SLC4A3: variants seen among roughly 807,000 people sequenced by gnomAD.
The protein encoded by SLC4A3 is anion exchange protein 3.
Under a neutral mutation model 114.2 loss-of-function variants are expected in SLC4A3, and 47 were observed. The ratio of observed to expected loss-of-function variants is 0.41; its 90% CI spans 0.33 to 0.52. The LOEUF is 0.52. Ranked by LOEUF, SLC4A3 falls within the 20% of genes least tolerant of loss-of-function variation. SLC4A3 has a pLI of 0.21. For synonymous variants in SLC4A3, 693 were observed against 710.3 expected (o/e 0.98, Z 0.39); for missense variants, 1,312 against 1,668.3 (o/e 0.79, Z 3.72).
In SLC4A3 at chr2:219,639,432, C is replaced by T. The variant is rs1206135368; in HGVS notation, c.3024-50C>T. 7 of 1,591,024 alleles carry T rather than the reference C, an allele frequency of 4.4e-6. No homozygotes were observed. In the East Asian group the frequency reaches 1.3e-4, roughly 31 times the overall value. On this transcript the variant is annotated intron_variant, in intron 19 of 22. Transcript: ENST00000358055. This position sits in a 1 kb window ranked among gnomAD's most constrained non-coding sequence, Gnocchi z 5.9. ...TCTGTGTGCGTGCCTGTCTTTGTCCCCTGCCCCTGCCAGGCCAGCCACACC... is the reference window on the plus strand; with the variant it reads ...TCTGTGTGCGTGCCTGTCTTTGTCCTCTGCCCCTGCCAGGCCAGCCACACC...
Position 219,628,385 on chromosome 2 carries a change from G to C in SLC4A3, c.52-20G>C. ...CTTCATGGGTCAGGGGTCCTTAGCA[G>C]AGGCCGTCTGGGCCTGCAGGTCCGG... On this transcript the variant is annotated intron_variant, in intron 2 of 22. Transcript: ENST00000358055. The surrounding 1 kb of genome is among the most constrained non-coding windows in gnomAD (Gnocchi z 4.8). The C allele has an allele frequency of 1.3e-6, 2 of 1,598,036 alleles. No homozygotes were observed. The highest frequency in any genetic ancestry group is 1.7e-6 in the Non-Finnish European group (2 of 1,173,608).
chr2:219,641,597 G>T lies in SLC4A3; in HGVS notation c.3622-54G>T. The T allele has an allele frequency of 7.1e-7, 1 of 1,405,842 alleles. No individual in the cohort carries two copies. The highest frequency in any genetic ancestry group is 1.0e-6 in the Non-Finnish European group (1 of 991,632). 87.1% of individuals were successfully genotyped at this position (1,405,842 alleles called of 1,614,324 possible). ...CAGGTTGGAGGAGGAGCTGGAGAATGGGAGGGGACGAGCATGCTTCCCTGC... is the reference window on the plus strand; with the variant it reads ...CAGGTTGGAGGAGGAGCTGGAGAATTGGAGGGGACGAGCATGCTTCCCTGC... On this transcript the variant is annotated intron_variant, in intron 22 of 22. Coordinates refer to ENST00000358055, the MANE Select transcript of SLC4A3 (RefSeq NM_005070.4). This position sits in a 1 kb window ranked among gnomAD's most constrained non-coding sequence, Gnocchi z 4.0.
Position 219,639,831 on chromosome 2 carries a change from C to A in SLC4A3, c.3277+96C>A. The A allele has an allele frequency of 6.8e-7, 1 of 1,479,890 alleles. No homozygotes were observed. Among genetic ancestry groups the A allele is most frequent in the Non-Finnish European group, 9.1e-7 (1 of 1,097,690 alleles). 91.7% of individuals were successfully genotyped at this position (1,479,890 alleles called of 1,614,324 possible). A position where few individuals can be genotyped will look rare whatever the true frequency, so the allele number is the denominator to read the frequency against. On this transcript the variant is annotated intron_variant, in intron 20 of 22. Coordinates refer to ENST00000358055, the MANE Select transcript of SLC4A3 (RefSeq NM_005070.4). The surrounding 1 kb of genome is among the most constrained non-coding windows in gnomAD (Gnocchi z 5.9). ...GCTTGACCCTGAATCTCCCAATGTG[C>A]TGTGTGTTGCCCTCAATCTGACCCC... is the stretch of plus-strand genomic sequence containing the variant.
chr2:219,632,217 C>T, intron 7 of SLC4A3, 45 bp from the exon 8 acceptor site: 2 of 1,612,586 alleles, frequency 1.2e-6, no homozygotes, highest in Non-Finnish European at 1.7e-6. Context: ...CGGTGTTCCC[C>T]ACACCTGTTG....
intron 13 of SLC4A3, 85 bp from the exon 14 acceptor site, chr2:219,635,588 G>C (rs1009570755): frequency 6.8e-7 from 1 of 1,478,684 alleles, no homozygotes; most frequent in African/African-American, 1.4e-5. Context: ...GACTCCTGGA[G>C]TCCTTTGCAT....
Position 219,629,041 on chromosome 2 carries a change from G to A in SLC4A3, c.218-103G>A, listed in dbSNP as rs923389854. 6 of 1,366,976 alleles carry A rather than the reference G, an allele frequency of 4.4e-6. No individual in the cohort carries two copies. In the African/African-American group the frequency reaches 7.3e-5, roughly 17 times the overall value. The allele number at this position is 1,366,976 out of a possible 1,614,324, so 84.7% of individuals were successfully genotyped here. ...GTCATGGCCCTGGAGGAAGGACTAG[G>A]GTGCCCTTGTTTGCGGCCTTGAGCT... On this transcript the variant is annotated intron_variant, in intron 3 of 22. Coordinates refer to ENST00000358055, the MANE Select transcript of SLC4A3 (RefSeq NM_005070.4).
In SLC4A3 at chr2:219,631,997, C is replaced by A; in HGVS notation, c.841C>A (p.Arg281=). 6.2e-7 allele frequency: 1 copy of A among 1,611,774 alleles called. No individual in the cohort carries two copies. The highest frequency in any genetic ancestry group is 8.5e-7 in the Non-Finnish European group (1 of 1,179,030). ...CCGACTGGAGGACAACCCTGGTGTGCGGCGACACTTAGTGAAAAAGCCCTC... is the reference window on the plus strand; with the variant it reads ...CCGACTGGAGGACAACCCTGGTGTGAGGCGACACTTAGTGAAAAAGCCCTC... The part of the protein sequence containing the change: ...SHRLEDNPGV[R]RHLVKKPSRT... The change falls in exon 7 of 23, where the codon CGG becomes AGG. Residue 281 remains arginine, a synonymous_variant. Coordinates refer to ENST00000358055, the MANE Select transcript of SLC4A3 (RefSeq NM_005070.4). The surrounding 1 kb of genome is among the most constrained non-coding windows in gnomAD (Gnocchi z 6.3).
rs1698934865 is a variant in SLC4A3 at position 219,631,906 on chromosome 2, G to A, written c.812-62G>A. On this transcript the variant is annotated intron_variant, in intron 6 of 22. Transcript: ENST00000358055. This position sits in a 1 kb window ranked among gnomAD's most constrained non-coding sequence, Gnocchi z 6.3. ...GTAGATGGGTTGGGCAGAAGGAGCT[G>A]GGCCGTGACCCCGAGGGCCCCAGCT... The A allele has an allele frequency of 1.1e-5, 17 of 1,520,074 alleles. No individual in the cohort carries two copies. The highest frequency in any genetic ancestry group is 2.6e-5 in the South Asian group (2 of 77,154). 94.2% of individuals were successfully genotyped at this position (1,520,074 alleles called of 1,614,324 possible). A position where few individuals can be genotyped will look rare whatever the true frequency, so the allele number is the denominator to read the frequency against.
chr2:219,629,528 G>C (rs1698843501), intron 4 of SLC4A3, 52 bp from the exon 5 acceptor site: 1 of 1,584,738 alleles, frequency 6.3e-7, no homozygotes, highest in African/African-American at 1.3e-5. Flanking sequence ...GTAGGGTTGG[G>C]GGCTGTATGG....
rs1445809494 is a variant in SLC4A3, at chr2:219,641,887, C to T, written c.*159C>T. Reference sequence around the variant, plus strand: ...GCTAGAGTGGCCCCCCTGACTTCTGCCCGGGGTGTTGACCTCGCCTCACCT... The same window carrying T: ...GCTAGAGTGGCCCCCCTGACTTCTGTCCGGGGTGTTGACCTCGCCTCACCT... On this transcript the variant is annotated 3_prime_UTR_variant, in exon 23 of 23. Coordinates refer to ENST00000358055, the MANE Select transcript of SLC4A3 (RefSeq NM_005070.4). This position sits in a 1 kb window ranked among gnomAD's most constrained non-coding sequence, Gnocchi z 4.0. 1.6e-6 allele frequency: 1 copy of T among 616,706 alleles called. No homozygotes were observed. The highest frequency in any genetic ancestry group is 2.9e-6 in the Non-Finnish European group (1 of 345,482). 38.2% of individuals were successfully genotyped at this position (616,706 alleles called of 1,614,324 possible). A position where few individuals can be genotyped will look rare whatever the true frequency, so the allele number is the denominator to read the frequency against.
In SLC4A3 at chr2:219,636,213, G is replaced by A; in HGVS notation, c.2192-89G>A. 6.6e-7 allele frequency: 1 copy of A among 1,523,008 alleles called. No homozygotes were observed. The highest frequency in any genetic ancestry group is 9.0e-7 in the Non-Finnish European group (1 of 1,112,976). The allele number at this position is 1,523,008 out of a possible 1,614,324, so 94.3% of individuals were successfully genotyped here. A position where few individuals can be genotyped will look rare whatever the true frequency, so the allele number is the denominator to read the frequency against. ...CACTCTAAGGGGCTGCTCTGCTTTT[G>A]TTGGGGGCCCCAGTTTAGGACAAGC... is the stretch of plus-strand genomic sequence containing the variant. On this transcript the variant is annotated intron_variant, in intron 14 of 22. Transcript: ENST00000358055. This position sits in a 1 kb window ranked among gnomAD's most constrained non-coding sequence, Gnocchi z 5.5.
chr2:219,627,726 G>T lies in SLC4A3; in HGVS notation c.-113G>T. 3.8e-6 allele frequency: 1 copy of T among 266,656 alleles called. No individual in the cohort carries two copies. 16.5% of individuals were successfully genotyped at this position (266,656 alleles called of 1,614,324 possible). A position where few individuals can be genotyped will look rare whatever the true frequency, so the allele number is the denominator to read the frequency against. Reference sequence around the variant, plus strand: ...GGGCGCGGCGGCCCGCCTGGGCCTCGCAGGCTCCGGAGCCCCGAGGTACCG... The same window carrying T: ...GGGCGCGGCGGCCCGCCTGGGCCTCTCAGGCTCCGGAGCCCCGAGGTACCG... On this transcript the variant is annotated 5_prime_UTR_variant, in exon 1 of 23. Coordinates refer to ENST00000358055, the MANE Select transcript of SLC4A3 (RefSeq NM_005070.4).
In SLC4A3 at chr2:219,631,481, C is replaced by A; in HGVS notation, c.812-487C>A. ...GTGAGTAACGGGGCTGCTGGCCTTT[C>A]CCCGACTGCTGCTGGCCTGGGTGGG... On this transcript the variant is annotated intron_variant, in intron 6 of 22. Coordinates refer to ENST00000358055, the MANE Select transcript of SLC4A3 (RefSeq NM_005070.4). The surrounding 1 kb of genome is among the most constrained non-coding windows in gnomAD (Gnocchi z 6.3). The A allele has an allele frequency of 7.7e-7, 1 of 1,298,748 alleles. No homozygotes were observed. The highest frequency in any genetic ancestry group is 1.0e-6 in the Non-Finnish European group (1 of 984,810). The allele number at this position is 1,298,748 out of a possible 1,614,324, so 80.5% of individuals were successfully genotyped here.
At position 219,627,946 on chromosome 2, in the gene SLC4A3, CT is replaced by C. The variant is rs1559195209; in HGVS notation, c.-46del. ...AGTGGCCCCTCCTTCTCACCTGGGT[CT>C]CGGGTCCCCTAGTGAGCGAGAGCGT... On this transcript the variant is annotated 5_prime_UTR_variant, in exon 2 of 23. The change abolishes the stop of an existing upstream ORF in the 5' untranslated region. Transcript: ENST00000358055. The C allele has an allele frequency of 6.4e-7, 1 of 1,566,040 alleles. No individual in the cohort carries two copies. Among genetic ancestry groups the C allele is most frequent in the Non-Finnish European group, 8.7e-7 (1 of 1,146,600 alleles).
At position 219,639,999 on chromosome 2, in the gene SLC4A3, G is replaced by A. The variant is rs946593420; in HGVS notation, c.3277+264G>A. On this transcript the variant is annotated intron_variant, in intron 20 of 22. Coordinates refer to ENST00000358055, the MANE Select transcript of SLC4A3 (RefSeq NM_005070.4). This position sits in a 1 kb window ranked among gnomAD's most constrained non-coding sequence, Gnocchi z 5.9. ...GGCTGGAGTGCAGTGGCGCGATCTC[G>A]GCTCACTGCAAGCTCCGCCTCCCAG... is the stretch of plus-strand genomic sequence containing the variant. Among the ~76,000 whole-genome samples, 3 of 151,892 alleles carry A rather than the reference G, an allele frequency of 2.0e-5. No individual in the cohort carries two copies. The East Asian group carries it at 5.8e-4, about 29-fold the overall frequency.
At position 219,632,376 on chromosome 2, in the gene SLC4A3, G is replaced by A; in HGVS notation, c.1075G>A (p.Gly359Arg). The A allele has an allele frequency of 6.2e-7, 1 of 1,613,870 alleles. No individual in the cohort carries two copies. Among genetic ancestry groups the A allele is most frequent in the Non-Finnish European group, 8.5e-7 (1 of 1,179,890 alleles). Residue 359 changes from glycine (G) to arginine (R), a missense_variant, in exon 8 of 23, where the codon GGG (glycine) becomes AGG (arginine). This residue lies in a region of SLC4A3 where 771 missense variants were observed against 977.7 expected (regional missense o/e 0.79). Coordinates refer to ENST00000358055, the MANE Select transcript of SLC4A3 (RefSeq NM_005070.4). ...EDVEEETERW[G>R]KPHVASLSFR... is the part of the protein sequence containing the mutation. ...CGTGGAGGAGGAGACGGAGCGCTGG[G>A]GGAAGCCCCATGTTGCCTCGCTCTC...
Position 219,631,264 on chromosome 2 carries a change from C to G in SLC4A3, c.812-704C>G, listed in dbSNP as rs1221317260. 2.2e-5 allele frequency: 28 copies of G among 1,287,000 alleles called. No individual in the cohort carries two copies. The East Asian group carries it at 4.5e-4, about 21-fold the overall frequency. 79.7% of individuals were successfully genotyped at this position (1,287,000 alleles called of 1,614,324 possible). ...ATGACGAGCCCACTGGAGAAGGACC[C>G]TGAGCCCAATGGGGCACTGAGCCCT... is the stretch of plus-strand genomic sequence containing the variant. On this transcript the variant is annotated intron_variant, in intron 6 of 22. Coordinates refer to ENST00000358055, the MANE Select transcript of SLC4A3 (RefSeq NM_005070.4). The surrounding 1 kb of genome is among the most constrained non-coding windows in gnomAD (Gnocchi z 6.3).
Position 219,630,469 on chromosome 2 carries a change from C to CAGCAGACAGGGAT in SLC4A3, c.811+117_811+118insAGCAGACAGGGAT. 1 of 1,144,864 alleles carries CAGCAGACAGGGAT rather than the reference C, an allele frequency of 8.7e-7. No individual in the cohort carries two copies. Among genetic ancestry groups the CAGCAGACAGGGAT allele is most frequent in the Non-Finnish European group, 1.2e-6 (1 of 828,012 alleles). The allele number at this position is 1,144,864 out of a possible 1,614,324, so 70.9% of individuals were successfully genotyped here. ...TAAGGGCTGAGTCCTCTCTGAATCCCTGTCTGCTGGGATGTGGCCAGTGAT... is the reference window on the plus strand; with the variant it reads ...TAAGGGCTGAGTCCTCTCTGAATCCCAGCAGACAGGGATTGTCTGCTGGGATGTGGCCAGTGAT... On this transcript the variant is annotated intron_variant, in intron 6 of 22. Transcript: ENST00000358055. This position sits in a 1 kb window ranked among gnomAD's most constrained non-coding sequence, Gnocchi z 6.9.
chr2:219,629,251 A>G lies in SLC4A3; in HGVS notation c.325A>G (p.Lys109Glu). 1.2e-6 allele frequency: 2 copies of G among 1,613,898 alleles called. No individual in the cohort carries two copies. The highest frequency in any genetic ancestry group is 1.1e-5 in the South Asian group (1 of 91,076). ...PPTSARHTRR[K>E]RKKEKTSAPP... is the part of the protein sequence containing the mutation. Reference sequence around the variant, plus strand: ...CACCTCTGCCCGGCACACCAGGAGAAAGAGGAAGAAGGAGAAAACCTCTGC... The same window carrying G: ...CACCTCTGCCCGGCACACCAGGAGAGAGAGGAAGAAGGAGAAAACCTCTGC... Residue 109 changes from lysine to glutamate, a missense_variant, in exon 4 of 23, where the codon AAG (lysine) becomes GAG (glutamate). Physicochemically the swap from Lys to Glu is moderately conservative, Grantham distance 56. Coordinates refer to ENST00000358055, the MANE Select transcript of SLC4A3 (RefSeq NM_005070.4).
Sources: allele counts gnomAD v4.1 joint callset (sites outside exome capture counted in the v4.1 genomes callset), GRCh38; gene constraint gnomAD v4.1.1; regional missense constraint gnomAD v4.1.1; non-coding constraint Gnocchi (gnomAD v3.1); transcripts MANE v1.5; gene names NCBI Gene and HGNC (gene_info 2026-07-23, HGNC 2026-07-21).